WWOX: variants seen among roughly 807,000 people sequenced by gnomAD.
The protein encoded by WWOX is WW domain-containing oxidoreductase.
Under a neutral mutation model 46.2 loss-of-function variants are expected in WWOX, and 69 were observed. The observed-to-expected ratio is 1.49, with a 90% CI of 1.23 to 1.82. The LOEUF (loss-of-function observed/expected upper bound fraction) is 1.82, where lower values mean the gene tolerates loss of function less well. Among genes scored for constraint, WWOX ranks in the 40% most tolerant of loss-of-function variants. WWOX has a pLI of 0.00. For missense variants in WWOX, 919 were observed against 542.6 expected, an observed-to-expected ratio of 1.69 and a Z score of -6.89; for synonymous variants, 359 against 202.6, an observed-to-expected ratio of 1.77 and a Z score of -6.56.
intron 6 of WWOX, among the ~76,000 whole-genome samples, chr16:78,421,193 C>T (rs762733826): frequency 6.6e-6 from 1 of 152,172 alleles, no homozygotes; most frequent in Non-Finnish European, 1.5e-5. Flanking sequence ...TGCCTCAAAA[C>T]AACAGAATTT....
intron 8 of WWOX, among the ~76,000 whole-genome samples, chr16:79,144,948 A>G (rs967654836): frequency 6.6e-6 from 1 of 152,194 alleles, no homozygotes; most frequent in Non-Finnish European, 1.5e-5. Context: ...AATGAAATAT[A>G]TGTAGGGTTT....
At chr16:78,269,623 T>C (rs1461686796) in intron 5 of WWOX, among the ~76,000 whole-genome samples, 2 of 152,250 alleles carry the variant, frequency 1.3e-5, no homozygotes, top group African/African-American at 4.8e-5. Context: ...ATTAGCCAAC[T>C]TCAAACCTGT....
chr16:78,820,382 C>T (rs1232413262), intron 8 of WWOX, among the ~76,000 whole-genome samples: 1 of 152,112 alleles, frequency 6.6e-6, no homozygotes, highest in African/African-American at 2.4e-5. Flanking sequence ...GTGGAGTCAA[C>T]GAAGATCTGG....
Position 78,274,960 on chromosome 16 carries a change from T to A in WWOX, c.516+110671T>A, listed in dbSNP as rs192005118. 1.3e-3 allele frequency among the ~76,000 whole-genome samples: 194 copies of A among 152,304 alleles called. 1 individual carries two copies. Among genetic ancestry groups the A allele is most frequent in the African/African-American group, 4.4e-3 (184 of 41,568 alleles). On this transcript the variant is annotated intron_variant, in intron 5 of 8. Transcript: ENST00000566780. ...CCCTTCTCTTTGGCTCGTTTTCAGTTTTTATTAATTTCCTGTGCTTCTGGT... is the reference window on the plus strand; with the variant it reads ...CCCTTCTCTTTGGCTCGTTTTCAGTATTTATTAATTTCCTGTGCTTCTGGT...
chr16:79,090,264 C>G lies in WWOX; in HGVS notation c.1057-121344C>G, dbSNP rs187594025. 4.1e-5 allele frequency among the ~76,000 whole-genome samples: 6 copies of G among 147,244 alleles called. No individual in the cohort carries two copies. The East Asian group carries it at 1.2e-3, about 30-fold the overall frequency. On this transcript the variant is annotated intron_variant, in intron 8 of 8. Transcript: ENST00000566780. The stretch of plus-strand genomic sequence containing the variant: ...CTAGCCTCGTGGGGTGCCATCCTGA[C>G]AGATTCTACTGTGTGCGTGTGTGTG...
At chr16:78,144,471 A>ATATATATATATATATAAG in intron 4 of WWOX, among the ~76,000 whole-genome samples, 1 of 33,586 alleles carries the variant, frequency 3.0e-5, no homozygotes, top group African/African-American at 1.6e-4. Context: ...ATACACACAT[A>ATATATATATATATATAAG]TATATATATA....
At chr16:79,014,164 A>T (rs1455769675) in intron 8 of WWOX, among the ~76,000 whole-genome samples, 1 of 152,186 alleles carries the variant, frequency 6.6e-6, no homozygotes, top group Non-Finnish European at 1.5e-5. Context: ...GTCCTATTTA[A>T]GGAAGGCCCT....
intron 8 of WWOX, among the ~76,000 whole-genome samples, chr16:78,758,601 G>A (rs55943477): frequency 0.027 from 4,035 of 152,242 alleles, 67 homozygotes; most frequent in Non-Finnish European, 0.041. Context: ...ATCAACCGTG[G>A]ATGGTTTCTT....
chr16:78,851,368 C>T (rs1477431838), intron 8 of WWOX, among the ~76,000 whole-genome samples: 1 of 152,172 alleles, frequency 6.6e-6, no homozygotes, highest in Non-Finnish European at 1.5e-5. Flanking sequence ...ATAGGTGGAA[C>T]TACAGAAAAA....
intron 5 of WWOX, among the ~76,000 whole-genome samples, chr16:78,253,994 C>G (rs1364652662): frequency 6.6e-6 from 1 of 152,132 alleles, no homozygotes; most frequent in Non-Finnish European, 1.5e-5. Flanking sequence ...CTCAGAAAAT[C>G]TGGTGTAGTG....
intron 5 of WWOX, among the ~76,000 whole-genome samples, chr16:78,328,173 G>C (rs1163994038): frequency 6.6e-6 from 1 of 151,976 alleles, no homozygotes; most frequent in Non-Finnish European, 1.5e-5. Context: ...CTGTACCTGA[G>C]TTCTGATTTC....
intron 5 of WWOX, among the ~76,000 whole-genome samples, chr16:78,308,969 C>G (rs559040525): frequency 6.6e-6 from 1 of 152,294 alleles, no homozygotes; most frequent in Non-Finnish European, 1.5e-5. Context: ...TAACCAATTT[C>G]CAATCACAGA....
chr16:78,177,833 T>G (rs906064683), intron 5 of WWOX, among the ~76,000 whole-genome samples: 1 of 152,168 alleles, frequency 6.6e-6, no homozygotes, highest in African/African-American at 2.4e-5. Flanking sequence ...GCCATGGTCC[T>G]GGGCGCAAAG....
intron 5 of WWOX, among the ~76,000 whole-genome samples, chr16:78,173,984 C>T (rs1353810954): frequency 1.3e-5 from 2 of 152,074 alleles, no homozygotes; most frequent in Non-Finnish European, 2.9e-5. Flanking sequence ...AGAGGTCGCA[C>T]TGTCTCATGT....
chr16:78,690,615 G>A (rs1487943386), intron 8 of WWOX, among the ~76,000 whole-genome samples: 2 of 152,084 alleles, frequency 1.3e-5, no homozygotes, highest in African/African-American at 4.8e-5. Flanking sequence ...GGTGGAAATA[G>A]GGCACACACA....
chr16:78,916,441 C>T (rs1345995726), intron 8 of WWOX, among the ~76,000 whole-genome samples: 1 of 152,132 alleles, frequency 6.6e-6, no homozygotes, highest in Non-Finnish European at 1.5e-5. Context: ...GTATAATTAG[C>T]CACAATTATC....
chr16:78,474,158 G>C (rs927939882), intron 8 of WWOX, among the ~76,000 whole-genome samples: 1 of 152,158 alleles, frequency 6.6e-6, no homozygotes, highest in African/African-American at 2.4e-5. Flanking sequence ...AAATGGTTCT[G>C]CTGAAATTTT....
intron 8 of WWOX, among the ~76,000 whole-genome samples, chr16:78,840,401 G>C (rs1249374268): frequency 6.6e-6 from 1 of 152,144 alleles, no homozygotes; most frequent in East Asian, 1.9e-4. Context: ...AATTCAGTAG[G>C]CCCACAGTCA....
chr16:78,876,089 G>A (rs1010899193), intron 8 of WWOX, among the ~76,000 whole-genome samples: 5 of 152,128 alleles, frequency 3.3e-5, no homozygotes, highest in African/African-American at 4.8e-5. Context: ...TTTTTGTGCT[G>A]AGGAACTCTA....
Sources: gnomAD v4.1 joint callset for allele counts (sites outside exome capture counted in the v4.1 genomes callset) on GRCh38, gnomAD v4.1.1 for gene constraint, MANE v1.5 for transcripts, NCBI Gene and HGNC (gene_info 2026-07-23, HGNC 2026-07-21) for gene names.